Variants in B4GALT1 observed in about 807,000 individuals in gnomAD.
B4GALT1 encodes beta-1,4-galactosyltransferase 1, also known as N-acetyllactosamine synthase.
B4GALT1 carries 16 observed loss-of-function variants against 34.9 expected under a neutral mutation model. The ratio of observed to expected loss-of-function variants is 0.46; its 90% confidence interval spans 0.31 to 0.70. The LOEUF (loss-of-function observed/expected upper bound fraction) is 0.70. Ranked by LOEUF, B4GALT1 falls within the 30% of genes least tolerant of loss-of-function variation. The pLI is 0.05. For synonymous variants in B4GALT1, 221 were observed against 218.1 expected (o/e 1.01, Z -0.12); for missense variants, 445 against 530.5 (o/e 0.84, Z 1.58).
chr9:33,152,300 T>G (rs886730166), intron 1 of B4GALT1, among the ~76,000 whole-genome samples: 1 of 143,976 alleles, frequency 6.9e-6, no homozygotes, highest in African/African-American at 2.5e-5. Context: ...CAAGACTCCC[T>G]CTCCAAAAAA....
At chr9:33,130,576 G>A (rs564250749) in intron 2 of B4GALT1, among the ~76,000 whole-genome samples, 1 of 84,294 alleles carries the variant, frequency 1.2e-5, no homozygotes, top group Non-Finnish European at 2.4e-5. Flanking sequence ...TAAGATATAA[G>A]TTAGTACAAT....
the B4GALT1 span, among the ~76,000 whole-genome samples, chr9:33,173,386 C>T: frequency 7.4e-6 from 1 of 135,186 alleles, no homozygotes; most frequent in South Asian, 2.4e-4. Flanking sequence ...GCCTGGTCTA[C>T]AGAACGAGAC....
intron 1 of B4GALT1, among the ~76,000 whole-genome samples, chr9:33,166,007 C>G (rs1284528584): frequency 6.6e-6 from 1 of 152,188 alleles, no homozygotes; most frequent in East Asian, 1.9e-4. Context: ...TACACAAGCT[C>G]TCTGCCCCTG....
At chr9:33,135,021 T>C (rs1468031922) in intron 2 of B4GALT1, among the ~76,000 whole-genome samples, 168 bp downstream of exon 2, 2 of 152,134 alleles carry the variant, frequency 1.3e-5, no homozygotes, top group African/African-American at 4.8e-5. Flanking sequence ...AAGCACACTG[T>C]TTGGCGTTTA....
At chr9:33,167,421 C>A, upstream of B4GALT1, 1 of 231,226 alleles carries the variant, frequency 4.3e-6, no homozygotes, top group Non-Finnish European at 7.8e-6. Flanking sequence ...GCGGGGTTTT[C>A]TGGACGAGGG....
intron 4 of B4GALT1, 102 bp from the exon 5 acceptor site, chr9:33,113,980 G>T: frequency 9.3e-7 from 1 of 1,080,214 alleles, no homozygotes; most frequent in Non-Finnish European, 1.4e-6. Context: ...CACCCTTGCT[G>T]TTCTCACTCA....
intron 2 of B4GALT1, among the ~76,000 whole-genome samples, chr9:33,128,047 T>C (rs999290001): frequency 6.6e-6 from 1 of 152,030 alleles, no homozygotes; most frequent in Admixed American, 6.6e-5. Context: ...AGGGTGGTGG[T>C]GGCAGCGGTG....
At chr9:33,141,006 T>C (rs926260899) in intron 1 of B4GALT1, among the ~76,000 whole-genome samples, 10 of 152,228 alleles carry the variant, frequency 6.6e-5, no homozygotes, top group African/African-American at 2.4e-4. Flanking sequence ...CTGCCTGGCC[T>C]TAGCTCAAAC....
the B4GALT1 span, among the ~76,000 whole-genome samples, chr9:33,172,666 G>T: frequency 1.3e-5 from 2 of 152,308 alleles, no homozygotes; most frequent in African/African-American, 4.8e-5. Flanking sequence ...TGGGTGCAGT[G>T]GCTCACGCCT....
At chr9:33,127,612 T>C (rs1233971453) in intron 2 of B4GALT1, among the ~76,000 whole-genome samples, 1 of 152,216 alleles carries the variant, frequency 6.6e-6, no homozygotes, top group Non-Finnish European at 1.5e-5. Flanking sequence ...TGGTATTACT[T>C]ACACTCACGG....
intron 1 of B4GALT1, among the ~76,000 whole-genome samples, chr9:33,136,683 G>C (rs1301168111): frequency 6.6e-6 from 1 of 152,112 alleles, no homozygotes; most frequent in South Asian, 2.1e-4. Context: ...TTTTTCCAGG[G>C]AACACACTTT....
intron 1 of B4GALT1, among the ~76,000 whole-genome samples, chr9:33,138,516 G>C (rs1840303256): frequency 6.6e-6 from 1 of 152,102 alleles, no homozygotes; most frequent in African/African-American, 2.4e-5. Flanking sequence ...AGACGTGAGT[G>C]TCCAGCATAG....
At chr9:33,105,949 C>T (rs1839793639), downstream of B4GALT1, among the ~76,000 whole-genome samples, 1 of 133,188 alleles carries the variant, frequency 7.5e-6, no homozygotes, top group Non-Finnish European at 1.6e-5. Flanking sequence ...GCTCAGGCTC[C>T]TGTTTTTATT....
chr9:33,107,484 G>A (rs959855371), downstream of B4GALT1, among the ~76,000 whole-genome samples: 3 of 152,118 alleles, frequency 2.0e-5, no homozygotes, highest in African/African-American at 7.2e-5. Flanking sequence ...TCTCGCCCAG[G>A]GAGGCGCCAC....
In B4GALT1 at chr9:33,116,165, A is replaced by G. The variant is rs1395070085; in HGVS notation, c.837-52T>C. 5 of 1,597,536 alleles carry G rather than the reference A, an allele frequency of 3.1e-6. No individual in the cohort carries two copies. In the South Asian group the frequency reaches 5.6e-5, roughly 18 times the overall value. The stretch of plus-strand genomic sequence containing the variant: ...GAGCAGTGGTTAGTTAAGTTCTGAC[A>G]TCCCCAAAATAAAGCTTGCTGAGAA... On this transcript the variant is annotated intron_variant, in intron 3 of 5. Transcript: ENST00000379731.
intron 2 of B4GALT1, among the ~76,000 whole-genome samples, chr9:33,128,491 A>T (rs1840145563): frequency 6.6e-6 from 1 of 152,188 alleles, no homozygotes; most frequent in Non-Finnish European, 1.5e-5. Context: ...CAGAGAACAG[A>T]GACACACATA....
chr9:33,133,194 C>T (rs1450328390), intron 2 of B4GALT1, among the ~76,000 whole-genome samples: 4 of 152,218 alleles, frequency 2.6e-5, no homozygotes, highest in Non-Finnish European at 5.9e-5. Context: ...TGAGCCACTG[C>T]GCCTAGGCCC....
intron 1 of B4GALT1, among the ~76,000 whole-genome samples, chr9:33,151,613 A>C (rs1840518691): frequency 6.6e-6 from 1 of 152,220 alleles, no homozygotes; most frequent in South Asian, 2.1e-4. Context: ...ATACATATAC[A>C]TACTTATCGC....
At chr9:33,169,518 A>ATT (rs10567394), upstream of B4GALT1, among the ~76,000 whole-genome samples, 2,533 of 132,336 alleles carry the variant, frequency 0.019, 87 homozygotes, top group African/African-American at 0.066. Context: ...AACTGCTTGA[A>ATT]TTTTTTTTTT....
Sources: gnomAD v4.1 joint callset for allele counts (sites outside exome capture counted in the v4.1 genomes callset) on GRCh38, gnomAD v4.1.1 for gene constraint, MANE v1.5 for transcripts, NCBI Gene and HGNC (gene_info 2026-07-23, HGNC 2026-07-21) for gene names.